The following ISL1 variants were observed in gnomAD, a reference collection of about 807,000 sequenced individuals.
ISL1 encodes ISL LIM homeobox 1.
In ISL1, 4 loss-of-function variants were observed where a neutral mutation model predicts 35.3. The observed-to-expected ratio is 0.11, with a 90% CI of 0.06 to 0.26. ISL1 has a LOEUF of 0.26. ISL1 is among the 10% of genes least tolerant of loss of function. ISL1 has a pLI of 1.00. For synonymous variants in ISL1, 186 were observed against 172.3 expected (o/e 1.08, Z -0.62); for missense variants, 340 against 472.8 (o/e 0.72, Z 2.60).
At chr5:51,386,752 A>T in intron 2 of ISL1, 1 of 391,164 alleles carries the variant, frequency 2.6e-6, no homozygotes, top group East Asian at 7.4e-5. Flanking sequence ...AGATTGAGGG[A>T]ACAGACGCAG....
rs1438985645 is a variant in ISL1, at chr5:51,393,973, A to T, written c.*363A>T. ...CATCTAGAGAAAAACAAAAATAGAA[A>T]ATTTTCTAGTCCATCCTAATCTGAA... On this transcript the variant is annotated 3_prime_UTR_variant, in exon 6 of 6. Transcript: ENST00000230658. 1 of 310,294 alleles carries T rather than the reference A, an allele frequency of 3.2e-6. No homozygotes were observed. 19.2% of individuals were successfully genotyped at this position (310,294 alleles called of 1,614,324 possible).
At position 51,387,002 on chromosome 5, in the gene ISL1, G is replaced by A. The variant is rs1334465096; in HGVS notation, c.219-488G>A. ...TTTTTTCTTGGAAGGAGGACTTTTT[G>A]TTGCAGTTTTAGACATTTCTAGCAG... On this transcript the variant is annotated intron_variant, in intron 2 of 5. Transcript: ENST00000230658. This position sits in a 1 kb window ranked among gnomAD's most constrained non-coding sequence, Gnocchi z 4.3. 2.0e-5 allele frequency among the ~76,000 whole-genome samples: 3 copies of A among 152,048 alleles called. No homozygotes were observed. Among genetic ancestry groups the A allele is most frequent in the Non-Finnish European group, 4.4e-5 (3 of 68,010 alleles).
intron 5 of ISL1, 183 bp downstream of exon 5, chr5:51,391,624 T>C: frequency 1.0e-5 from 3 of 291,566 alleles, no homozygotes; most frequent in South Asian, 4.8e-5. Context: ...TCTTGGCATC[T>C]TTTTTTTTTT....
Position 51,384,613 on chromosome 5 carries a change from C to A in ISL1, c.101C>A (p.Pro34Gln). 1 of 1,614,022 alleles carries A rather than the reference C, an allele frequency of 6.2e-7. No homozygotes were observed. The highest frequency in any genetic ancestry group is 8.5e-7 in the Non-Finnish European group (1 of 1,180,010). Residue 34 changes from proline to glutamine, a missense_variant, in exon 2 of 6, where the codon CCG (proline) becomes CAG (glutamine). Around this residue, in one of 7 missense-constraint regions of ISL1, gnomAD observed 70 missense variants for 130.3 expected, o/e 0.54. Transcript: ENST00000230658. ...GATCAGTATATTCTGAGGGTTTCTCCGGATTTGGAATGGCATGCGGCATGT... is the reference window on the plus strand; with the variant it reads ...GATCAGTATATTCTGAGGGTTTCTCAGGATTTGGAATGGCATGCGGCATGT... ...IHDQYILRVS[P>Q]DLEWHAACLK...
intron 1 of ISL1, 47 bp downstream of exon 1, chr5:51,383,746 C>T (rs890718044): frequency 3.9e-6 from 6 of 1,543,384 alleles, no homozygotes; most frequent in Admixed American, 1.7e-5. Context: ...TGTTCTTGTG[C>T]GGGGTTCTCT....
At chr5:51,386,536 G>A (rs571866497) in intron 2 of ISL1, 16 of 453,828 alleles carry the variant, frequency 3.5e-5, no homozygotes, top group East Asian at 7.0e-5. Context: ...CTTTCTGTTC[G>A]TAGGAATGCC....
intron 3 of ISL1, among the ~76,000 whole-genome samples, chr5:51,388,843 A>T (rs1053329272): frequency 6.6e-6 from 1 of 152,060 alleles, no homozygotes; most frequent in Non-Finnish European, 1.5e-5. Flanking sequence ...GCACAGAGGA[A>T]GCTAAAATAC....
intron 5 of ISL1, among the ~76,000 whole-genome samples, chr5:51,391,934 C>T (rs183809347): frequency 2.6e-5 from 4 of 152,236 alleles, no homozygotes; most frequent in Non-Finnish European, 1.5e-5. Context: ...GTGTTGTTAT[C>T]AATAAACAGC....
chr5:51,393,869 A>G lies in ISL1; in HGVS notation c.*259A>G. ...TATGCTATTCAATGATCTTAGAAGTACTGAAAAAAAAAGACGTTTTTAAAA... is the reference window on the plus strand; with the variant it reads ...TATGCTATTCAATGATCTTAGAAGTGCTGAAAAAAAAAGACGTTTTTAAAA... On this transcript the variant is annotated 3_prime_UTR_variant, in exon 6 of 6. Coordinates refer to ENST00000230658, the MANE Select transcript of ISL1 (RefSeq NM_002202.3). The G allele has an allele frequency of 2.0e-6, 1 of 498,176 alleles. No individual in the cohort carries two copies. 30.9% of individuals were successfully genotyped at this position (498,176 alleles called of 1,614,324 possible).
Position 51,383,562 on chromosome 5 carries a change from C to G in ISL1, c.-110C>G. Reference sequence around the variant, plus strand: ...CAGCGGCTCTTTCAGCATTGGCAACCCCAGGGGCCAATATTTCCCACTTAG... The same window carrying G: ...CAGCGGCTCTTTCAGCATTGGCAACGCCAGGGGCCAATATTTCCCACTTAG... On this transcript the variant is annotated 5_prime_UTR_variant, in exon 1 of 6. Transcript: ENST00000230658. 1.0e-6 allele frequency: 1 copy of G among 957,714 alleles called. No homozygotes were observed. The highest frequency in any genetic ancestry group is 1.3e-5 in the South Asian group (1 of 77,626). The allele number at this position is 957,714 out of a possible 1,614,324, so 59.3% of individuals were successfully genotyped here. A position where few individuals can be genotyped will look rare whatever the true frequency, so the allele number is the denominator to read the frequency against.
chr5:51,384,415 A>T, intron 1 of ISL1, 126 bp from the exon 2 acceptor site: 1 of 782,994 alleles, frequency 1.3e-6, no homozygotes, highest in Non-Finnish European at 2.0e-6. Context: ...AAAAAAAAAA[A>T]AAAGAAAGAA....
At position 51,391,417 on chromosome 5, in the gene ISL1, A is replaced by G. The variant is rs747301136; in HGVS notation, c.909A>G (p.Ile303Met). 3 of 1,614,194 alleles carry G rather than the reference A, an allele frequency of 1.9e-6. No homozygotes were observed. The highest frequency in any genetic ancestry group is 2.5e-6 in the Non-Finnish European group (3 of 1,180,034). ...GCGACTTCGCCTTGCAGAGTGACATAGATCAGCCTGCTTTTCAGCAACTGG... is the reference window on the plus strand; with the variant it reads ...GCGACTTCGCCTTGCAGAGTGACATGGATCAGCCTGCTTTTCAGCAACTGG... ...VLSDFALQSD[I>M]DQPAFQQLVN... The change falls in exon 5 of 6, where the codon ATA (isoleucine) becomes ATG (methionine). Residue 303 changes from isoleucine (I) to methionine (M), a missense_variant. Ile to Met is a conservative substitution (Grantham distance 10). This residue lies in a region of ISL1 where 104 missense variants were observed against 97.3 expected (regional missense o/e 1.07). Transcript: ENST00000230658.
rs368901083 is a variant in ISL1, at chr5:51,384,526, T to C, written c.29-15T>C. ...AGTAAACGGTTAGTCAATCATGTAT[T>C]TATTTTCATTTCAGAAAAACGTCTG... On this transcript the variant is annotated splice_polypyrimidine_tract_variant and intron_variant, in intron 1 of 5. Transcript: ENST00000230658. 6.2e-7 allele frequency: 1 copy of C among 1,612,700 alleles called. No homozygotes were observed. The highest frequency in any genetic ancestry group is 8.5e-7 in the Non-Finnish European group (1 of 1,178,688).
chr5:51,390,856 C>T (rs1019139584), intron 4 of ISL1, among the ~76,000 whole-genome samples: 5 of 150,986 alleles, frequency 3.3e-5, no homozygotes, highest in African/African-American at 4.9e-5. Context: ...TTGAGGAGAA[C>T]GGCTTGGAAA....
chr5:51,384,339 C>T (rs1747288582), intron 1 of ISL1, among the ~76,000 whole-genome samples: 1 of 151,016 alleles, frequency 6.6e-6, no homozygotes, highest in Non-Finnish European at 1.5e-5. Flanking sequence ...TATTCCACCT[C>T]CTTTTAAAAA....
intron 5 of ISL1, among the ~76,000 whole-genome samples, chr5:51,392,809 G>A (rs1580731011): frequency 6.6e-6 from 1 of 152,266 alleles, no homozygotes; most frequent in Middle Eastern, 3.4e-3. Flanking sequence ...TACAACAGCA[G>A]TACAATGCGT....
chr5:51,390,648 T>C lies in ISL1; in HGVS notation c.766-626T>C, dbSNP rs1399172041. ...TTTTCTTTTCTTTCTTTTTCTTTTT[T>C]TTTTTTTTTTTTTTTTTTTTTTTTT... On this transcript the variant is annotated intron_variant, in intron 4 of 5. Transcript: ENST00000230658. Among the ~76,000 whole-genome samples, 124 of 98,800 alleles carry C rather than the reference T, an allele frequency of 1.3e-3. 1 individual carries two copies. The highest frequency in any genetic ancestry group is 2.6e-3 in the South Asian group (7 of 2,674). 64.8% of individuals were successfully genotyped at this position (98,800 alleles called of 152,430 possible). A position where few individuals can be genotyped will look rare whatever the true frequency, so the allele number is the denominator to read the frequency against.
intron 5 of ISL1, among the ~76,000 whole-genome samples, chr5:51,391,657 A>T (rs1364194928): frequency 6.6e-6 from 1 of 151,904 alleles, no homozygotes; most frequent in Non-Finnish European, 1.5e-5. Flanking sequence ...TAATTTGACC[A>T]TATAGGTTGA....
chr5:51,390,642 CTTTTTTTTTTT>C (rs57707586), intron 4 of ISL1, among the ~76,000 whole-genome samples: 1,036 of 39,896 alleles, frequency 0.026, 3 homozygotes, highest in Middle Eastern at 0.044. Flanking sequence ...CTTTCTTTTT[CTTTTTTTTTTT>C]TTTTTTTTTT....
Sources: gnomAD v4.1 joint callset for allele counts (sites outside exome capture counted in the v4.1 genomes callset) on GRCh38, gnomAD v4.1.1 for gene constraint, gnomAD v4.1.1 regional missense constraint, Gnocchi (gnomAD v3.1) non-coding constraint, MANE v1.5 for transcripts, NCBI Gene and HGNC (gene_info 2026-07-23, HGNC 2026-07-21) for gene names.